The following ARHGEF11 variants were observed in gnomAD, a reference collection of about 807,000 sequenced individuals.
The protein encoded by ARHGEF11 is Rho guanine nucleotide exchange factor 11.
A neutral mutation model predicts 193.7 loss-of-function variants in ARHGEF11; 55 were observed. The ratio of observed to expected loss-of-function variants is 0.28; its 90% confidence interval spans 0.23 to 0.36. The LOEUF is 0.36. Ranked by LOEUF, ARHGEF11 falls within the 10% of genes least tolerant of loss-of-function variation. ARHGEF11 has a pLI of 1.00. For missense variants in ARHGEF11, 1,723 were observed against 2,005.6 expected (o/e 0.86, Z 2.69); for synonymous variants, 693 against 768.0 (o/e 0.90, Z 1.62).
At chr1:156,937,764 T>C (rs532771603) in intron 38 of ARHGEF11, among the ~76,000 whole-genome samples, 13 of 152,264 alleles carry the variant, frequency 8.5e-5, no homozygotes, top group African/African-American at 2.9e-4. Flanking sequence ...AGAGCTGCAG[T>C]GTTTCATTTG....
chr1:156,970,081 G>A (rs372863556), intron 8 of ARHGEF11, 38 bp from the exon 9 acceptor site: 6 of 1,588,486 alleles, frequency 3.8e-6, no homozygotes, highest in African/African-American at 1.3e-5. Flanking sequence ...CAAATTCTGT[G>A]AGCCTCTCCC....
At chr1:157,021,729 T>G (rs1317255373) in intron 1 of ARHGEF11, among the ~76,000 whole-genome samples, 1 of 152,210 alleles carries the variant, frequency 6.6e-6, no homozygotes, top group Non-Finnish European at 1.5e-5. Context: ...TGCCTCAGTT[T>G]CTTCATATGG....
rs1354359182 is a variant in ARHGEF11, at chr1:157,044,315, G to A, written c.16C>T (p.Pro6Ser). The A allele has an allele frequency of 2.5e-6, 4 of 1,613,164 alleles. 1 individual carries two copies. The highest frequency in any genetic ancestry group is 2.7e-5 in the African/African-American group (2 of 74,634). Reference sequence around the variant, plus strand: ...CAAACCTACCTGTCTATACTCTGGGGTAACCTTACACTCATGGTTTCTCGG... The same window carrying A: ...CAAACCTACCTGTCTATACTCTGGGATAACCTTACACTCATGGTTTCTCGG... MSVRL[P>S]QSIDRLSSLS... Residue 6 changes from proline to serine, a missense_variant, in exon 1 of 41, where the codon CCC becomes TCC. Physicochemically the swap from Pro to Ser is moderately conservative, Grantham distance 74. Coordinates refer to ENST00000368194, the MANE Select transcript of ARHGEF11 (RefSeq NM_198236.3).
intron 1 of ARHGEF11, among the ~76,000 whole-genome samples, chr1:156,997,882 T>A (rs967692247): frequency 6.6e-6 from 1 of 151,738 alleles, no homozygotes; most frequent in Non-Finnish European, 1.5e-5. Context: ...TACTAGAAAA[T>A]GTTAAATTAC....
chr1:156,950,453 T>A (rs950114308), intron 22 of ARHGEF11, among the ~76,000 whole-genome samples: 1 of 151,610 alleles, frequency 6.6e-6, no homozygotes, highest in African/African-American at 2.4e-5. Flanking sequence ...CTGGGCAACA[T>A]AGTGAGACTG....
chr1:157,037,068 C>T (rs746717743), intron 1 of ARHGEF11, among the ~76,000 whole-genome samples: 89 of 152,222 alleles, frequency 5.8e-4, no homozygotes, highest in African/African-American at 2.0e-3. Flanking sequence ...GCAGGGGTTG[C>T]AGTGAGCCAA....
Position 156,941,403 on chromosome 1 carries a change from A to G in ARHGEF11, c.3483T>C (p.His1161=). The G allele has an allele frequency of 2.5e-6, 4 of 1,613,706 alleles. No homozygotes were observed. The highest frequency in any genetic ancestry group is 3.4e-6 in the Non-Finnish European group (4 of 1,179,754). ...RVELDDSDVF[H]GEPEPEELPG... is the part of the protein sequence containing the mutation. ...GCAGCTCCTCAGGTTCAGGTTCACC[A>G]TGGAACACGTCTGAGTCATCCAGTT... The change falls in exon 35 of 41, where the codon CAT becomes CAC. Residue 1161 remains histidine, a synonymous_variant. Coordinates refer to ENST00000368194, the MANE Select transcript of ARHGEF11 (RefSeq NM_198236.3).
At chr1:156,950,115 G>A (rs2101977940) in intron 22 of ARHGEF11, among the ~76,000 whole-genome samples, 1 of 152,244 alleles carries the variant, frequency 6.6e-6, no homozygotes, top group East Asian at 1.9e-4. Flanking sequence ...GACATCATGT[G>A]CTTCCACAGG....
intron 1 of ARHGEF11, among the ~76,000 whole-genome samples, chr1:157,026,497 T>C (rs1557974796): frequency 6.6e-6 from 1 of 152,124 alleles, no homozygotes; most frequent in Non-Finnish European, 1.5e-5. Context: ...CAGATGATTA[T>C]AATAGAGAAG....
At chr1:156,946,843 C>CCCCTGCCTAT in intron 27 of ARHGEF11, 56 bp from the exon 28 acceptor site, 1 of 1,395,692 alleles carries the variant, frequency 7.2e-7, no homozygotes, top group Non-Finnish European at 9.5e-7. Context: ...TGGGACCAGA[C>CCCCTGCCTAT]CCCTGCCTTT....
chr1:156,970,835 A>G (rs1229531587), intron 8 of ARHGEF11, among the ~76,000 whole-genome samples: 7 of 152,232 alleles, frequency 4.6e-5, no homozygotes, highest in Non-Finnish European at 1.0e-4. Flanking sequence ...AACTTGCCCA[A>G]GAGTCTTTAA....
intron 1 of ARHGEF11, among the ~76,000 whole-genome samples, chr1:157,038,505 C>T (rs1422656560): frequency 6.6e-6 from 1 of 152,150 alleles, no homozygotes; most frequent in Admixed American, 6.5e-5. Flanking sequence ...GAGGAAGTTT[C>T]GTATCCAAAG....
chr1:156,987,240 T>C (rs12409632), intron 1 of ARHGEF11, among the ~76,000 whole-genome samples: 10,872 of 152,328 alleles, frequency 0.071, 508 homozygotes, highest in Admixed American at 0.12. Flanking sequence ...CTGTGTGTGA[T>C]GGCAAAGCAC....
intron 28 of ARHGEF11, among the ~76,000 whole-genome samples, chr1:156,946,459 C>T (rs1323838950): frequency 2.0e-5 from 3 of 152,178 alleles, no homozygotes; most frequent in African/African-American, 4.8e-5. Flanking sequence ...GTGAGCCAGG[C>T]CTCTGACTGC....
chr1:156,964,246 C>T (rs960480422), intron 11 of ARHGEF11, among the ~76,000 whole-genome samples: 4 of 152,162 alleles, frequency 2.6e-5, no homozygotes, highest in East Asian at 1.9e-4. Flanking sequence ...TTCCCCCTTA[C>T]GCTAATTTAA....
intron 37 of ARHGEF11, 77 bp downstream of exon 37, chr1:156,939,471 G>T (rs1203122886): frequency 6.3e-7 from 1 of 1,591,432 alleles, no homozygotes; most frequent in African/African-American, 1.3e-5. Flanking sequence ...GTATAGGGAA[G>T]GAAGCAGCTG....
chr1:157,046,198 T>C (rs1361992163), upstream of ARHGEF11, among the ~76,000 whole-genome samples: 1 of 146,280 alleles, frequency 6.8e-6, no homozygotes, highest in Non-Finnish European at 1.5e-5. Flanking sequence ...ACCCCGGCCC[T>C]GACCCCGCCA....
chr1:156,992,830 A>G (rs1665953938), intron 1 of ARHGEF11, among the ~76,000 whole-genome samples: 1 of 152,046 alleles, frequency 6.6e-6, no homozygotes, highest in Admixed American at 6.6e-5. Flanking sequence ...CCACTGCTTC[A>G]CTCAGACCCC....
At chr1:157,033,560 C>G (rs1671559958) in intron 1 of ARHGEF11, among the ~76,000 whole-genome samples, 1 of 152,156 alleles carries the variant, frequency 6.6e-6, no homozygotes, top group Admixed American at 6.5e-5. Flanking sequence ...TCATGTCACC[C>G]TCTATTTAAA....
Sources: gnomAD v4.1 joint callset for allele counts (sites outside exome capture counted in the v4.1 genomes callset) on GRCh38, gnomAD v4.1.1 for gene constraint, MANE v1.5 for transcripts, NCBI Gene and HGNC (gene_info 2026-07-23, HGNC 2026-07-21) for gene names.